CDK6: variants seen among roughly 807,000 people sequenced by gnomAD.
CDK6 encodes cyclin dependent kinase 6.
CDK6 carries 6 observed loss-of-function variants against 37.1 expected under a neutral mutation model. That is an observed-to-expected ratio of 0.16 (90% CI 0.09 to 0.32). CDK6 has a LOEUF of 0.32. Ranked by LOEUF, CDK6 falls within the 10% of genes least tolerant of loss-of-function variation. The pLI, the probability that CDK6 is intolerant of heterozygous loss-of-function variation, is 1.00. For synonymous variants in CDK6, 160 were observed against 161.3 expected (o/e 0.99, Z 0.06); for missense variants, 224 against 418.9 (o/e 0.53, Z 4.06).
intron 2 of CDK6, among the ~76,000 whole-genome samples, chr7:92,794,447 C>G (rs1800356375): frequency 2.0e-5 from 3 of 152,106 alleles, no homozygotes; most frequent in Admixed American, 2.0e-4. Flanking sequence ...CACTCGTGAT[C>G]TTGCCCCACT....
At chr7:92,622,220 A>T (rs1475429902) in intron 6 of CDK6, among the ~76,000 whole-genome samples, 1 of 152,168 alleles carries the variant, frequency 6.6e-6, no homozygotes, top group African/African-American at 2.4e-5. Flanking sequence ...CCCCAGTTAC[A>T]TTCTAGAAAC....
chr7:92,750,662 A>G (rs1177583573), intron 3 of CDK6, among the ~76,000 whole-genome samples: 14 of 152,222 alleles, frequency 9.2e-5, no homozygotes, highest in Non-Finnish European at 1.8e-4. Flanking sequence ...CACAATGTGG[A>G]AGGCAAACCT....
At chr7:92,654,928 C>G (rs773752118) in intron 5 of CDK6, among the ~76,000 whole-genome samples, 2 of 152,058 alleles carry the variant, frequency 1.3e-5, no homozygotes, top group African/African-American at 4.8e-5. Flanking sequence ...TCACTGCAGC[C>G]TCAATCTCCC....
intron 3 of CDK6, among the ~76,000 whole-genome samples, chr7:92,773,778 C>T (rs563146759): frequency 3.3e-5 from 5 of 152,136 alleles, no homozygotes; most frequent in Admixed American, 1.3e-4. Flanking sequence ...TATCTGAGAA[C>T]GTCATTTAGC....
intron 2 of CDK6, among the ~76,000 whole-genome samples, chr7:92,810,143 GTGTATA>G (rs1234422991): frequency 6.6e-6 from 1 of 152,146 alleles, no homozygotes; most frequent in Non-Finnish European, 1.5e-5. Flanking sequence ...GTGTATGTGT[GTGTATA>G]TGTATATCAT....
chr7:92,626,410 C>T (rs7787664), intron 5 of CDK6, among the ~76,000 whole-genome samples: 48 of 151,942 alleles, frequency 3.2e-4, no homozygotes, highest in African/African-American at 1.1e-3. Context: ...ACAGAAGTCG[C>T]GGTAATCGTT....
chr7:92,676,612 T>C (rs751068943), intron 4 of CDK6, among the ~76,000 whole-genome samples: 6 of 152,198 alleles, frequency 3.9e-5, no homozygotes, highest in Non-Finnish European at 8.8e-5. Flanking sequence ...GGAATATAAA[T>C]ATAATCTTTG....
chr7:92,616,904 A>C (rs1795694511), intron 7 of CDK6, among the ~76,000 whole-genome samples: 1 of 152,208 alleles, frequency 6.6e-6, no homozygotes, highest in Admixed American at 6.5e-5. Flanking sequence ...ATATGGTTAA[A>C]AAAAAGGTGT....
At chr7:92,629,381 T>C (rs1306034906) in intron 5 of CDK6, among the ~76,000 whole-genome samples, 2 of 151,842 alleles carry the variant, frequency 1.3e-5, no homozygotes, top group Non-Finnish European at 1.5e-5. Context: ...TACTGGACTA[T>C]GAGTAACTTC....
chr7:92,629,236 A>G (rs1304111179), intron 5 of CDK6, among the ~76,000 whole-genome samples: 1 of 152,118 alleles, frequency 6.6e-6, no homozygotes, highest in Non-Finnish European at 1.5e-5. Context: ...CTCTAACACA[A>G]GTTAGAGAGT....
At chr7:92,712,471 G>T (rs1193261595) in intron 4 of CDK6, among the ~76,000 whole-genome samples, 1 of 152,116 alleles carries the variant, frequency 6.6e-6, no homozygotes, top group African/African-American at 2.4e-5. Context: ...TTAAAAACAG[G>T]AGTACAAAAA....
At chr7:92,688,854 C>T (rs1474750308) in intron 4 of CDK6, among the ~76,000 whole-genome samples, 1 of 152,266 alleles carries the variant, frequency 6.6e-6, no homozygotes, top group South Asian at 2.1e-4. Context: ...ACCACATTCC[C>T]TCTAAAGAGG....
At chr7:92,735,145 TACA>T (rs923436231) in intron 3 of CDK6, among the ~76,000 whole-genome samples, 45 of 152,356 alleles carry the variant, frequency 3.0e-4, no homozygotes, top group African/African-American at 9.9e-4. Flanking sequence ...TTTCTCAAAG[TACA>T]GTCTCTTACT....
intron 5 of CDK6, among the ~76,000 whole-genome samples, chr7:92,646,014 G>T (rs181357821): frequency 6.6e-6 from 1 of 152,298 alleles, no homozygotes; most frequent in Non-Finnish European, 1.5e-5. Flanking sequence ...ATACCTTCCA[G>T]TACAGCCAGG....
intron 5 of CDK6, among the ~76,000 whole-genome samples, chr7:92,650,427 T>G (rs770973321): frequency 5.3e-5 from 8 of 152,198 alleles, no homozygotes; most frequent in Non-Finnish European, 1.0e-4. Context: ...TGTTGTTTTT[T>G]TTTGTTGTTG....
intron 3 of CDK6, among the ~76,000 whole-genome samples, chr7:92,749,358 T>C (rs1345419418): frequency 6.6e-6 from 1 of 152,022 alleles, no homozygotes; most frequent in Non-Finnish European, 1.5e-5. Context: ...GCACCTGTAG[T>C]TTCAGCTACT....
Position 92,605,270 on chromosome 7 carries a change from C to T in CDK6, c.*9870G>A, listed in dbSNP as rs898963632. On this transcript the variant is annotated 3_prime_UTR_variant, in exon 8 of 8. Coordinates refer to ENST00000424848, the MANE Select transcript of CDK6 (RefSeq NM_001145306.2). ...TAGCACCCAGTAAGACATCCAGTTT[C>T]CAAAGGATTATTGGTATGCAACCCT... The T allele has an allele frequency of 1.3e-5, 3 of 233,388 alleles. No individual in the cohort carries two copies. The highest frequency in any genetic ancestry group is 2.5e-5 in the Non-Finnish European group (3 of 117,910). The allele number at this position is 233,388 out of a possible 1,614,324, so 14.5% of individuals were successfully genotyped here.
intron 2 of CDK6, among the ~76,000 whole-genome samples, chr7:92,778,708 A>C (rs943871392): frequency 2.6e-5 from 4 of 152,082 alleles, no homozygotes; most frequent in African/African-American, 9.7e-5. Context: ...TAATAAAATA[A>C]AAGAGCAGTG....
Position 92,628,569 on chromosome 7 carries a change from C to T in CDK6, c.648-5483G>A, listed in dbSNP as rs145988045. Reference sequence around the variant, plus strand: ...CCCCCTGCAAGAAGGCTTTCTGTCCCTTCTTTTCTTCAACTTCAGCTCCTC... The same window carrying T: ...CCCCCTGCAAGAAGGCTTTCTGTCCTTTCTTTTCTTCAACTTCAGCTCCTC... On this transcript the variant is annotated intron_variant, in intron 5 of 7. Coordinates refer to ENST00000424848, the MANE Select transcript of CDK6 (RefSeq NM_001145306.2). 6.2e-3 allele frequency among the ~76,000 whole-genome samples: 942 copies of T among 152,168 alleles called. 4 individuals are homozygous for T. Among genetic ancestry groups the T allele is most frequent in the South Asian group, 0.017 (83 of 4,826 alleles).
Sources: allele counts gnomAD v4.1 joint callset (sites outside exome capture counted in the v4.1 genomes callset), GRCh38; gene constraint gnomAD v4.1.1; transcripts MANE v1.5; gene names NCBI Gene and HGNC (gene_info 2026-07-23, HGNC 2026-07-21).